NELL2: variants seen among roughly 807,000 people sequenced by gnomAD.
NELL2 encodes the protein protein kinase C-binding protein NELL2.
Under a neutral mutation model 109.6 loss-of-function variants are expected in NELL2, and 41 were observed. The ratio of observed to expected loss-of-function variants is 0.37; its 90% CI spans 0.29 to 0.49. The LOEUF is 0.49. Among genes scored for constraint, NELL2 ranks in the 20% least tolerant of loss-of-function variants. The pLI is 0.98. For synonymous variants in NELL2, 355 were observed against 344.7 expected (o/e 1.03, Z -0.33); for missense variants, 900 against 1,008.3 (o/e 0.89, Z 1.45).
chr12:44,533,894 TATGCCATAGCC>T (rs1942189104), intron 15 of NELL2, among the ~76,000 whole-genome samples: 2 of 26,808 alleles, frequency 7.5e-5, no homozygotes, highest in South Asian at 1.7e-3. Context: ...TTGATAGCCG[TATGCCATAGCC>T]GAAGGTTCCA....
At chr12:44,567,762 A>T (rs1431173127) in intron 15 of NELL2, among the ~76,000 whole-genome samples, 1 of 152,164 alleles carries the variant, frequency 6.6e-6, no homozygotes, top group Non-Finnish European at 1.5e-5. Flanking sequence ...AGGTATAGAA[A>T]TGTATTTCCT....
Position 44,523,599 on chromosome 12 carries a change from T to C in NELL2, c.1805-115A>G, listed in dbSNP as rs561866140. ...GTATTCAACTGTAAATTAATTTTCA[T>C]CTTACTGGCTTGCATTTGTGATTAA... On this transcript the variant is annotated intron_variant, in intron 16 of 19. Coordinates refer to ENST00000429094, the MANE Select transcript of NELL2 (RefSeq NM_001145108.2). 2.1e-5 allele frequency: 17 copies of C among 792,278 alleles called. No homozygotes were observed. The African/African-American group carries it at 2.6e-4, about 12-fold the overall frequency. The allele number at this position is 792,278 out of a possible 1,614,324, so 49.1% of individuals were successfully genotyped here. A position where few individuals can be genotyped will look rare whatever the true frequency, so the allele number is the denominator to read the frequency against.
intron 1 of NELL2, among the ~76,000 whole-genome samples, chr12:44,920,625 T>C (rs530311548): frequency 6.6e-6 from 1 of 152,354 alleles, no homozygotes; most frequent in Non-Finnish European, 1.5e-5. Flanking sequence ...CCCACAGGCT[T>C]GTGATGCACA....
chr12:44,568,649 A>G (rs1036196454), intron 15 of NELL2, among the ~76,000 whole-genome samples: 2 of 152,188 alleles, frequency 1.3e-5, no homozygotes, highest in Admixed American at 6.5e-5. Context: ...CTGACATATG[A>G]ATCCTGATAG....
chr12:44,682,312 G>C (rs868448846), intron 12 of NELL2, among the ~76,000 whole-genome samples: 4 of 148,860 alleles, frequency 2.7e-5, no homozygotes, highest in Non-Finnish European at 5.9e-5. Context: ...TAGATTCTGG[G>C]TATTAGCCCT....
chr12:44,607,138 C>A lies in NELL2; in HGVS notation c.1663+31G>T, dbSNP rs1945437058. 1.9e-6 allele frequency: 3 copies of A among 1,577,934 alleles called. No individual in the cohort carries two copies. The South Asian group carries it at 3.5e-5, about 18-fold the overall frequency. On this transcript the variant is annotated intron_variant, in intron 15 of 19. Transcript: ENST00000429094. ...TACTTTATGCATTGGCATAAAAATTCATTTTCTAGAAGATGAAATGATATT... is the reference window on the plus strand; with the variant it reads ...TACTTTATGCATTGGCATAAAAATTAATTTTCTAGAAGATGAAATGATATT...
At chr12:44,801,301 T>A (rs957323289) in intron 3 of NELL2, among the ~76,000 whole-genome samples, 2 of 152,144 alleles carry the variant, frequency 1.3e-5, no homozygotes, top group Non-Finnish European at 2.9e-5. Flanking sequence ...AGAAGTAAAT[T>A]GTGTGAAAGA....
chr12:44,888,065 A>G (rs1205096045), intron 1 of NELL2, among the ~76,000 whole-genome samples: 7 of 151,854 alleles, frequency 4.6e-5, no homozygotes, highest in South Asian at 2.1e-4. Flanking sequence ...TGTTTACCCA[A>G]TTTTCCCAGA....
intron 9 of NELL2, among the ~76,000 whole-genome samples, chr12:44,720,217 C>T (rs144560057): frequency 5.7e-4 from 87 of 152,270 alleles, no homozygotes; most frequent in African/African-American, 1.9e-3. Flanking sequence ...TTTCTTATCT[C>T]AGGACAGAGT....
upstream of NELL2, among the ~76,000 whole-genome samples, chr12:44,916,225 T>C (rs1442612370): frequency 6.6e-6 from 1 of 152,092 alleles, no homozygotes; most frequent in East Asian, 1.9e-4. Context: ...AGATTTAAAG[T>C]TATGAACATG....
intron 3 of NELL2, among the ~76,000 whole-genome samples, chr12:44,793,768 G>C (rs1408820768): frequency 6.6e-6 from 1 of 152,124 alleles, no homozygotes; most frequent in East Asian, 1.9e-4. Flanking sequence ...AATAACATTA[G>C]CTATCATTAA....
At chr12:44,735,748 A>G (rs1361261099) in intron 9 of NELL2, among the ~76,000 whole-genome samples, 2 of 152,010 alleles carry the variant, frequency 1.3e-5, no homozygotes, top group African/African-American at 2.4e-5. Flanking sequence ...CCTTGCTATT[A>G]TTTTTATCAT....
In NELL2 at chr12:44,550,431, T is replaced by A. The variant is rs529275193; in HGVS notation, c.1664-17710A>T. The stretch of plus-strand genomic sequence containing the variant: ...CCAGGCTAATTTTTTTTTTTTTGTA[T>A]TTTTCAGGAGACTGAGGCAGGAAAA... On this transcript the variant is annotated intron_variant, in intron 15 of 19. Coordinates refer to ENST00000429094, the MANE Select transcript of NELL2 (RefSeq NM_001145108.2). Among the ~76,000 whole-genome samples, 979 of 150,156 alleles carry A rather than the reference T, an allele frequency of 6.5e-3. 8 individuals are homozygous for A. The highest frequency in any genetic ancestry group is 0.012 in the Non-Finnish European group (796 of 67,374).
At chr12:44,649,667 T>C (rs1947234342) in intron 13 of NELL2, among the ~76,000 whole-genome samples, 1 of 152,316 alleles carries the variant, frequency 6.6e-6, no homozygotes, top group East Asian at 1.9e-4. Context: ...GCTTTATGTG[T>C]ATTCTTTGAG....
At chr12:44,691,702 A>G (rs1566174285) in intron 12 of NELL2, among the ~76,000 whole-genome samples, 2 of 152,194 alleles carry the variant, frequency 1.3e-5, no homozygotes, top group Non-Finnish European at 1.5e-5. Context: ...TGAATTATAG[A>G]AAGTGAAATG....
At chr12:44,886,404 T>C (rs1414231611) in intron 1 of NELL2, among the ~76,000 whole-genome samples, 2 of 151,802 alleles carry the variant, frequency 1.3e-5, no homozygotes, top group African/African-American at 4.9e-5. Flanking sequence ...AGTCAAGCAA[T>C]AAAATAGGAC....
Position 44,776,114 on chromosome 12 carries a change from G to C in NELL2, c.799C>G (p.Gln267Glu). Residue 267 changes from glutamine (Q) to glutamate (E), a missense_variant, in exon 8 of 20, where the codon CAG (glutamine) becomes GAG (glutamate). Gln to Glu is a conservative substitution (Grantham distance 29). Transcript: ENST00000429094. ...RAEQRMNRLD[Q>E]CYCERTCTMK... Reference sequence around the variant, plus strand: ...GTGCAAGTCCTTTCACAATAGCACTGATCCAATCTATTCATTCGCTGTTCA... The same window carrying C: ...GTGCAAGTCCTTTCACAATAGCACTCATCCAATCTATTCATTCGCTGTTCA... 6.2e-7 allele frequency: 1 copy of C among 1,613,952 alleles called. No individual in the cohort carries two copies. The highest frequency in any genetic ancestry group is 1.1e-5 in the South Asian group (1 of 91,062).
At chr12:44,791,087 ATATATATATG>A (rs1566403502) in intron 3 of NELL2, among the ~76,000 whole-genome samples, 549 of 25,308 alleles carry the variant, frequency 0.022, 47 homozygotes, top group Admixed American at 0.035. Flanking sequence ...ATATACATAT[ATATATATATG>A]TATATATATA....
At chr12:44,509,011 A>G in intron 19 of NELL2, 27 bp from the exon 20 acceptor site, 1 of 1,595,304 alleles carries the variant, frequency 6.3e-7, no homozygotes, top group Non-Finnish European at 8.6e-7. Flanking sequence ...TAGAAAGAAA[A>G]ACAGTATGAA....
Sources: gnomAD v4.1 joint callset for allele counts (sites outside exome capture counted in the v4.1 genomes callset) on GRCh38, gnomAD v4.1.1 for gene constraint, MANE v1.5 for transcripts, NCBI Gene and HGNC (gene_info 2026-07-23, HGNC 2026-07-21) for gene names.